The following POLDIP3 variants were observed in gnomAD, a reference collection of about 807,000 sequenced individuals.
POLDIP3 encodes DNA polymerase delta interacting protein 3.
Under a neutral mutation model 45.1 loss-of-function variants are expected in POLDIP3, and 14 were observed. The observed-to-expected ratio is 0.31, with a 90% confidence interval of 0.20 to 0.49. The LOEUF is 0.49. Among genes scored for constraint, POLDIP3 ranks in the 20% least tolerant of loss-of-function variants. The probability of loss-of-function intolerance (pLI) is 0.99; values close to 1 mark genes in which losing one functional copy is unlikely to be tolerated. For synonymous variants in POLDIP3, 223 were observed against 205.2 expected, an observed-to-expected ratio of 1.09 and a Z score of -0.74; for missense variants, 511 against 538.8, an observed-to-expected ratio of 0.95 and a Z score of 0.51.
intron 1 of POLDIP3, among the ~76,000 whole-genome samples, chr22:42,611,775 GC>G (rs1275181177): frequency 3.9e-5 from 6 of 152,184 alleles, no homozygotes; most frequent in African/African-American, 1.4e-4. Flanking sequence ...TACTTGGGAG[GC>G]TGAGGCAGGA....
intron 6 of POLDIP3, among the ~76,000 whole-genome samples, chr22:42,594,435 T>C (rs563048581): frequency 1.3e-3 from 193 of 152,090 alleles, no homozygotes; most frequent in Non-Finnish European, 2.2e-3. Flanking sequence ...TGCTAGAGCC[T>C]GGGAGGCAGA....
intron 1 of POLDIP3, among the ~76,000 whole-genome samples, chr22:42,608,535 T>G (rs1926918810): frequency 1.3e-5 from 2 of 152,142 alleles, no homozygotes; most frequent in Non-Finnish European, 2.9e-5. Context: ...GTTAAACCCT[T>G]AAAAATTTAT....
intron 1 of POLDIP3, among the ~76,000 whole-genome samples, chr22:42,612,814 A>G (rs1927205296): frequency 6.6e-6 from 1 of 152,124 alleles, no homozygotes; most frequent in African/African-American, 2.4e-5. Context: ...CAATACAGTG[A>G]GACTCCCTCT....
chr22:42,614,616 C>A (rs532319264), intron 1 of POLDIP3, among the ~76,000 whole-genome samples, 183 bp downstream of exon 1: 2 of 152,226 alleles, frequency 1.3e-5, no homozygotes, highest in South Asian at 4.1e-4. Flanking sequence ...GACTGCGCCT[C>A]GGCCAGTGGG....
In POLDIP3 at chr22:42,585,637, G is replaced by A; in HGVS notation, c.*154C>T. On this transcript the variant is annotated 3_prime_UTR_variant, in exon 9 of 9. Transcript: ENST00000252115. ...CACAGGGCAGAACACAACACAGAAA[G>A]GCGGGTCCCATCCAGTGAGGAAGCT... 2 of 826,096 alleles carry A rather than the reference G, an allele frequency of 2.4e-6. No individual in the cohort carries two copies. The highest frequency in any genetic ancestry group is 3.9e-6 in the Non-Finnish European group (2 of 511,312). The allele number at this position is 826,096 out of a possible 1,614,324, so 51.2% of individuals were successfully genotyped here. A position where few individuals can be genotyped will look rare whatever the true frequency, so the allele number is the denominator to read the frequency against.
chr22:42,607,301 C>T (rs58566950), intron 1 of POLDIP3, among the ~76,000 whole-genome samples: 15,160 of 152,290 alleles, frequency 0.1, 946 homozygotes, highest in Admixed American at 0.17. Flanking sequence ...TTGGTGGAGA[C>T]GGGGTTTCGC....
intron 2 of POLDIP3, 142 bp from the exon 3 acceptor site, chr22:42,602,198 A>G: frequency 7.8e-7 from 1 of 1,286,086 alleles, no homozygotes; most frequent in Non-Finnish European, 1.1e-6. Flanking sequence ...TATCCTCCAC[A>G]GTAGGAAGTA....
At chr22:42,593,552 C>T (rs1341372012) in intron 6 of POLDIP3, among the ~76,000 whole-genome samples, 1 of 152,210 alleles carries the variant, frequency 6.6e-6, no homozygotes, top group Non-Finnish European at 1.5e-5. Context: ...GAGTCTCACT[C>T]TGTCACCCAG....
chr22:42,600,422 C>T (rs530377252), intron 3 of POLDIP3, among the ~76,000 whole-genome samples: 1 of 150,506 alleles, frequency 6.6e-6, no homozygotes, highest in South Asian at 2.1e-4. Context: ...GTCAGGAGAT[C>T]GAGATCATCC....
intron 6 of POLDIP3, 89 bp from the exon 7 acceptor site, chr22:42,592,173 C>T: frequency 6.4e-7 from 1 of 1,567,180 alleles, no homozygotes; most frequent in Admixed American, 1.8e-5. Context: ...TGTGGTGGTT[C>T]CGCTGCAGCT....
intron 7 of POLDIP3, among the ~76,000 whole-genome samples, chr22:42,588,456 C>CAA (rs137093): frequency 4.6e-4 from 47 of 101,496 alleles, no homozygotes; most frequent in African/African-American, 1.3e-3. Flanking sequence ...GACTCCACCT[C>CAA]AAAAAAAAAA....
chr22:42,589,304 G>A (rs4822171), intron 7 of POLDIP3, among the ~76,000 whole-genome samples: 15,078 of 151,502 alleles, frequency 0.1, 964 homozygotes, highest in Admixed American at 0.17. Context: ...AAGAAAGCTG[G>A]TCTTTTACTT....
Position 42,584,631 on chromosome 22 carries a change from C to T in POLDIP3, c.*1160G>A, listed in dbSNP as rs564955976. On this transcript the variant is annotated 3_prime_UTR_variant, in exon 9 of 9. Coordinates refer to ENST00000252115, the MANE Select transcript of POLDIP3 (RefSeq NM_032311.5). Reference sequence around the variant, plus strand: ...AGGGACTGCCTGGGCTCTGAAGTTTCGTCCCAACTGTCTGCGCCTATGCTG... The same window carrying T: ...AGGGACTGCCTGGGCTCTGAAGTTTTGTCCCAACTGTCTGCGCCTATGCTG... 459 of 327,460 alleles carry T rather than the reference C, an allele frequency of 1.4e-3. 2 individuals are homozygous for T. Among genetic ancestry groups the T allele is most frequent in the Non-Finnish European group, 2.3e-3 (379 of 168,366 alleles). The allele number at this position is 327,460 out of a possible 1,614,324, so 20.3% of individuals were successfully genotyped here.
At chr22:42,587,421 A>G (rs1410696129) in intron 8 of POLDIP3, 85 bp downstream of exon 8, 2 of 1,320,224 alleles carry the variant, frequency 1.5e-6, no homozygotes, top group Admixed American at 1.8e-5. Context: ...GATGAAGGGG[A>G]GCTGTGATGC....
intron 3 of POLDIP3, 110 bp downstream of exon 3, chr22:42,601,860 A>T: frequency 7.5e-7 from 1 of 1,332,582 alleles, no homozygotes; most frequent in Non-Finnish European, 1.0e-6. Context: ...CTACCAACTG[A>T]GCAAGCCTCA....
chr22:42,613,223 CA>C (rs1927235875), intron 1 of POLDIP3, among the ~76,000 whole-genome samples: 1 of 152,178 alleles, frequency 6.6e-6, no homozygotes, highest in Admixed American at 6.5e-5. Context: ...GAGGAGCCAG[CA>C]CCAGCTTCAC....
intron 6 of POLDIP3, among the ~76,000 whole-genome samples, chr22:42,594,993 GTGAAGCAGCTGGGC>G (rs137101): frequency 0.17 from 25,835 of 152,210 alleles, 2,871 homozygotes; most frequent in African/African-American, 0.3. Context: ...GTGCAGAAGA[GTGAAGCAGCTGGGC>G]TGACTGCTAT....
At chr22:42,586,306 G>T (rs116850001) in intron 8 of POLDIP3, among the ~76,000 whole-genome samples, 2 of 151,024 alleles carry the variant, frequency 1.3e-5, no homozygotes, top group Admixed American at 6.6e-5. Context: ...AAATGGAGAC[G>T]CAGGCAGTGC....
rs1166171137 is a variant in POLDIP3 at position 42,585,173 on chromosome 22, T to C, written c.*618A>G. The stretch of plus-strand genomic sequence containing the variant: ...CTCCAAGCCAAGAGCTTAGATAGAC[T>C]CTTCCCAGCGGTGCAGCCTCATCCT... On this transcript the variant is annotated 3_prime_UTR_variant, in exon 9 of 9. Coordinates refer to ENST00000252115, the MANE Select transcript of POLDIP3 (RefSeq NM_032311.5). The C allele has an allele frequency of 4.2e-6, 2 of 474,278 alleles. No homozygotes were observed. The highest frequency in any genetic ancestry group is 8.4e-6 in the Non-Finnish European group (2 of 238,078). 29.4% of individuals were successfully genotyped at this position (474,278 alleles called of 1,614,324 possible). A position where few individuals can be genotyped will look rare whatever the true frequency, so the allele number is the denominator to read the frequency against.
Sources: gnomAD v4.1 joint callset for allele counts (sites outside exome capture counted in the v4.1 genomes callset) on GRCh38, gnomAD v4.1.1 for gene constraint, MANE v1.5 for transcripts, NCBI Gene and HGNC (gene_info 2026-07-23, HGNC 2026-07-21) for gene names.